Variants in FGD6 observed in about 807,000 individuals in gnomAD.
The protein encoded by FGD6 is FYVE, RhoGEF and PH domain-containing protein 6.
Under a neutral mutation model 149.4 loss-of-function variants are expected in FGD6, and 90 were observed. That is an observed-to-expected ratio of 0.60 (90% confidence interval 0.51 to 0.72). FGD6 has a LOEUF of 0.72. FGD6 is among the 30% of genes least tolerant of loss of function. FGD6 has a pLI of 0.00. For missense variants in FGD6, 1,437 were observed against 1,684.8 expected, an observed-to-expected ratio of 0.85 and a Z score of 2.57; for synonymous variants, 527 against 584.0, an observed-to-expected ratio of 0.90 and a Z score of 1.41.
rs78074841 is a variant in FGD6 at position 95,182,584 on chromosome 12, G to A, written c.2442-9840C>T. Among the ~76,000 whole-genome samples, 1,514 of 152,142 alleles carry A rather than the reference G, an allele frequency of 1.0e-2. 24 individuals carry two copies. Among genetic ancestry groups the A allele is most frequent in the African/African-American group, 0.034 (1,431 of 41,496 alleles). On this transcript the variant is annotated intron_variant, in intron 2 of 20. Transcript: ENST00000343958. ...CCATTTATTTCAGTAAACATTTATCGAGGGCCTACTATGTTTCATTTACTA... is the reference window on the plus strand; with the variant it reads ...CCATTTATTTCAGTAAACATTTATCAAGGGCCTACTATGTTTCATTTACTA...
intron 8 of FGD6, among the ~76,000 whole-genome samples, chr12:95,134,223 C>T (rs1879602575): frequency 6.6e-6 from 1 of 152,080 alleles, no homozygotes; most frequent in Admixed American, 6.6e-5. Context: ...TCAGCCTCTC[C>T]AGTAGCTGGG....
chr12:95,165,974 T>C (rs1248023195), intron 3 of FGD6, among the ~76,000 whole-genome samples: 1 of 151,518 alleles, frequency 6.6e-6, no homozygotes, highest in African/African-American at 2.4e-5. Context: ...TTTTTTTTTT[T>C]TTTTTCAATA....
chr12:95,154,308 A>G (rs1435925627), intron 3 of FGD6, among the ~76,000 whole-genome samples: 1 of 152,148 alleles, frequency 6.6e-6, no homozygotes, highest in Non-Finnish European at 1.5e-5. Flanking sequence ...TAAATGCCCT[A>G]GCAGGAACAA....
chr12:95,133,218 G>C (rs1002711321), intron 8 of FGD6, among the ~76,000 whole-genome samples: 1 of 152,156 alleles, frequency 6.6e-6, no homozygotes, highest in African/African-American at 2.4e-5. Context: ...AGGAGTTTGA[G>C]ACCAACCTGG....
At chr12:95,189,888 A>G (rs1881541017) in intron 2 of FGD6, among the ~76,000 whole-genome samples, 1 of 152,324 alleles carries the variant, frequency 6.6e-6, no homozygotes, top group Non-Finnish European at 1.5e-5. Flanking sequence ...TTTCCTTAAT[A>G]GTAATAGAAA....
At chr12:95,102,264 T>C (rs1023854344) in intron 14 of FGD6, among the ~76,000 whole-genome samples, 9 of 151,610 alleles carry the variant, frequency 5.9e-5, no homozygotes, top group African/African-American at 2.2e-4. Context: ...GGCAACATGG[T>C]GAAACCCTGT....
intron 2 of FGD6, among the ~76,000 whole-genome samples, chr12:95,199,252 G>A (rs1881804849): frequency 6.6e-6 from 1 of 152,156 alleles, no homozygotes; most frequent in South Asian, 2.1e-4. Flanking sequence ...TTGCATCAGT[G>A]AGTGAAGAGA....
intron 1 of FGD6, among the ~76,000 whole-genome samples, chr12:95,214,187 C>A (rs570407122): frequency 2.0e-5 from 3 of 152,300 alleles, no homozygotes; most frequent in African/African-American, 7.2e-5. Flanking sequence ...CCAGTGCTAA[C>A]AACAGGGCCT....
chr12:95,141,344 A>G, intron 6 of FGD6, 44 bp downstream of exon 6: 1 of 1,597,926 alleles, frequency 6.3e-7, no homozygotes, highest in East Asian at 2.2e-5. Context: ...GGCTTCATCT[A>G]AAATTGGAAA....
chr12:95,086,700 C>T lies in FGD6; in HGVS notation c.3979-792G>A, dbSNP rs113383908. On this transcript the variant is annotated intron_variant, in intron 18 of 20. Coordinates refer to ENST00000343958, the MANE Select transcript of FGD6 (RefSeq NM_018351.4). ...GACTACAGGCGCCTGCCACCACGTC[C>T]GGCTATTTTTTTTTTTTGTATATTT... Among the ~76,000 whole-genome samples the T allele has an allele frequency of 4.3e-3, 643 of 149,740 alleles. 5 individuals carry two copies. Among genetic ancestry groups the T allele is most frequent in the African/African-American group, 0.015 (603 of 40,700 alleles).
intron 17 of FGD6, among the ~76,000 whole-genome samples, chr12:95,090,978 C>T (rs1030836097): frequency 2.0e-4 from 31 of 152,136 alleles, no homozygotes; most frequent in African/African-American, 5.3e-4. Context: ...CACGCGTGCC[C>T]GTAATCCCAG....
intron 3 of FGD6, among the ~76,000 whole-genome samples, chr12:95,154,937 A>AT (rs1555220567): frequency 1.6e-5 from 2 of 125,622 alleles, no homozygotes; most frequent in African/African-American, 5.8e-5. Context: ...ATTTGGGAAA[A>AT]TTTTTTTTTC....
At position 95,082,433 on chromosome 12, in the gene FGD6, A is replaced by T. The variant is rs550885935; in HGVS notation, c.4257-877T>A. Among the ~76,000 whole-genome samples, 40 of 152,066 alleles carry T rather than the reference A, an allele frequency of 2.6e-4. No homozygotes were observed. The South Asian group carries it at 7.9e-3, about 30-fold the overall frequency. On this transcript the variant is annotated intron_variant, in intron 20 of 20. Transcript: ENST00000343958. ...AGTACTTTGGGAGGCTGAGTTGGGC[A>T]GATCACCTGAGGTCAGAAGTTCGAG...
intron 2 of FGD6, among the ~76,000 whole-genome samples, chr12:95,205,764 G>C (rs2056689664): frequency 1.3e-5 from 2 of 152,150 alleles, no homozygotes; most frequent in Admixed American, 1.3e-4. Flanking sequence ...CAACCTCCCA[G>C]GCAATACTGT....
intron 8 of FGD6, among the ~76,000 whole-genome samples, chr12:95,120,579 G>A (rs1345940665): frequency 5.3e-5 from 8 of 151,780 alleles, no homozygotes; most frequent in South Asian, 2.1e-4. Context: ...CCAGCTACTC[G>A]GGAGGCTGAG....
At chr12:95,168,387 G>C (rs1282026048) in intron 3 of FGD6, among the ~76,000 whole-genome samples, 1 of 152,220 alleles carries the variant, frequency 6.6e-6, no homozygotes, top group Non-Finnish European at 1.5e-5. Context: ...ATAGCAGCCA[G>C]GCGCGGTGGA....
intron 1 of FGD6, among the ~76,000 whole-genome samples, chr12:95,216,742 C>A (rs2056805602): frequency 6.6e-6 from 1 of 150,474 alleles, no homozygotes; most frequent in Non-Finnish European, 1.5e-5. Flanking sequence ...GTAAAACCAC[C>A]AGGACATGAC....
intron 8 of FGD6, among the ~76,000 whole-genome samples, chr12:95,133,493 G>A (rs1283512087): frequency 1.3e-5 from 2 of 152,082 alleles, no homozygotes; most frequent in African/African-American, 4.8e-5. Context: ...AGGAAATCCT[G>A]GTTTTTCAGG....
intron 8 of FGD6, among the ~76,000 whole-genome samples, chr12:95,119,003 C>T (rs926631827): frequency 8.5e-5 from 13 of 152,122 alleles, no homozygotes; most frequent in Non-Finnish European, 1.3e-4. Context: ...ATTCCTGGGC[C>T]AGGTGCGATG....
Sources: gnomAD v4.1 joint callset for allele counts (sites outside exome capture counted in the v4.1 genomes callset) on GRCh38, gnomAD v4.1.1 for gene constraint, MANE v1.5 for transcripts, NCBI Gene and HGNC (gene_info 2026-07-23, HGNC 2026-07-21) for gene names.